Variants in CNTN4 observed in about 807,000 individuals in gnomAD.
CNTN4 encodes contactin 4, also known as contactin-4.
CNTN4 carries 77 observed loss-of-function variants against 122.5 expected under a neutral mutation model. That is an observed-to-expected ratio of 0.63 (90% CI 0.52 to 0.76). The LOEUF (loss-of-function observed/expected upper bound fraction) is 0.76. Among genes scored for constraint, CNTN4 ranks in the 30% least tolerant of loss-of-function variants. CNTN4 has a pLI of 0.00. For synonymous variants in CNTN4, 512 were observed against 447.0 expected, an observed-to-expected ratio of 1.15 and a Z score of -1.83; for missense variants, 1,256 against 1,259.1, an observed-to-expected ratio of 1.00 and a Z score of 0.04.
chr3:2,866,839 T>C lies in CNTN4; in HGVS notation c.542T>C (p.Ile181Thr), dbSNP rs749754841. 1.2e-6 allele frequency: 2 copies of C among 1,614,002 alleles called. No homozygotes were observed. The highest frequency in any genetic ancestry group is 1.7e-6 in the Non-Finnish European group (2 of 1,179,902). ...TCTCAAGAGACTGGGAATCTGTATA[T>C]TGCCAAAGTAGAAAAATCAGATGTT... ...FVSQETGNLY[I>T]AKVEKSDVGN... The change falls in exon 8 of 25, where the codon ATT (isoleucine) becomes ACT (threonine). Residue 181 changes from isoleucine (I) to threonine (T), a missense_variant. By Grantham distance (89) the Ile-to-Thr change is moderately conservative. Transcript: ENST00000418658.
Position 2,662,556 on chromosome 3 carries a change from C to T in CNTN4, c.56-73659C>T, listed in dbSNP as rs146997616. On this transcript the variant is annotated intron_variant, in intron 4 of 24. Coordinates refer to ENST00000418658, the MANE Select transcript of CNTN4 (RefSeq NM_175607.3). ...TCATTCATATAACTACAACTAACTG[C>T]GAGAGAGGCTAGGAAATGTGGGCTA... 4.8e-4 allele frequency among the ~76,000 whole-genome samples: 73 copies of T among 152,216 alleles called. 1 individual carries two copies. The highest frequency in any genetic ancestry group is 6.8e-3 in the Middle Eastern group (2 of 294).
intron 4 of CNTN4, among the ~76,000 whole-genome samples, chr3:2,595,593 G>GC (rs1188821833): frequency 1.3e-5 from 2 of 152,118 alleles, no homozygotes; most frequent in African/African-American, 4.8e-5. Context: ...TTGGCTCCAG[G>GC]CCCCCAGAGA....
intron 7 of CNTN4, among the ~76,000 whole-genome samples, chr3:2,831,734 G>GT (rs777524138): frequency 1.7e-4 from 26 of 152,216 alleles, no homozygotes; most frequent in Non-Finnish European, 2.8e-4. Context: ...GACAGTTGCA[G>GT]TTGATAACGT....
At chr3:2,980,283 T>C (rs76174895) in intron 13 of CNTN4, among the ~76,000 whole-genome samples, 13,775 of 152,220 alleles carry the variant, frequency 0.09, 1,566 homozygotes, top group African/African-American at 0.26. Flanking sequence ...TCTTGTGTCA[T>C]GTCTGTATTT....
chr3:2,904,661 C>T (rs751523838), intron 12 of CNTN4, among the ~76,000 whole-genome samples: 4 of 152,156 alleles, frequency 2.6e-5, no homozygotes, highest in Non-Finnish European at 5.9e-5. Context: ...CCCTTCTGCC[C>T]GGATTTGCTA....
chr3:2,732,667 C>G (rs114943908), intron 4 of CNTN4, among the ~76,000 whole-genome samples: 2,318 of 152,268 alleles, frequency 0.015, 68 homozygotes, highest in African/African-American at 0.053. Context: ...GAACGCCTCT[C>G]TCAGGACTCT....
At chr3:2,176,801 C>T (rs1385404807) in intron 2 of CNTN4, among the ~76,000 whole-genome samples, 1 of 152,068 alleles carries the variant, frequency 6.6e-6, no homozygotes, top group African/African-American at 2.4e-5. Flanking sequence ...AATAAAGAAA[C>T]TATACTAGCA....
chr3:2,199,976 G>A (rs1191287787), intron 2 of CNTN4, among the ~76,000 whole-genome samples: 2 of 152,156 alleles, frequency 1.3e-5, no homozygotes, highest in African/African-American at 4.8e-5. Flanking sequence ...TGAGCTATCA[G>A]AGAAATAAAA....
intron 2 of CNTN4, among the ~76,000 whole-genome samples, chr3:2,205,482 G>T (rs1404769289): frequency 6.6e-6 from 1 of 151,824 alleles, no homozygotes; most frequent in Admixed American, 6.6e-5. Context: ...AGAGACTTGG[G>T]ATCCCATGAA....
intron 13 of CNTN4, among the ~76,000 whole-genome samples, chr3:2,959,654 C>G (rs1436247145): frequency 6.7e-6 from 1 of 149,682 alleles, no homozygotes; most frequent in Non-Finnish European, 1.5e-5. Context: ...TAGAATCATA[C>G]TAAATTTTTA....
At chr3:2,549,997 A>G (rs1314744854) in intron 3 of CNTN4, among the ~76,000 whole-genome samples, 1 of 152,094 alleles carries the variant, frequency 6.6e-6, no homozygotes, top group Non-Finnish European at 1.5e-5. Flanking sequence ...AGAGGTGTTT[A>G]TACTATTCTC....
intron 3 of CNTN4, among the ~76,000 whole-genome samples, chr3:2,537,025 G>A (rs562103140): frequency 7.4e-4 from 112 of 152,204 alleles, no homozygotes; most frequent in South Asian, 1.2e-3. Flanking sequence ...TATATGAGTA[G>A]TATGGAATTG....
chr3:2,471,262 T>C (rs1193892895), intron 3 of CNTN4, among the ~76,000 whole-genome samples: 1 of 152,206 alleles, frequency 6.6e-6, no homozygotes, highest in Non-Finnish European at 1.5e-5. Flanking sequence ...CCAGTATTTA[T>C]TTGGAGAGAC....
chr3:3,035,713 C>A (rs114823079), intron 17 of CNTN4, among the ~76,000 whole-genome samples: 8,253 of 152,192 alleles, frequency 0.054, 359 homozygotes, highest in Admixed American at 0.087. Context: ...CAGGCCCCCA[C>A]ACCCAGCTAA....
chr3:2,292,352 G>A (rs1373375051), intron 2 of CNTN4, among the ~76,000 whole-genome samples: 1 of 152,172 alleles, frequency 6.6e-6, no homozygotes, highest in African/African-American at 2.4e-5. Flanking sequence ...TACCAAACAT[G>A]TATTAGGTAC....
intron 13 of CNTN4, among the ~76,000 whole-genome samples, chr3:2,965,737 T>C (rs1185664923): frequency 2.0e-5 from 3 of 152,180 alleles, no homozygotes; most frequent in Non-Finnish European, 4.4e-5. Context: ...GCAAGGGTCT[T>C]TGTGACCTGA....
At chr3:2,376,789 G>A (rs535633569) in intron 3 of CNTN4, among the ~76,000 whole-genome samples, 2 of 151,840 alleles carry the variant, frequency 1.3e-5, no homozygotes, top group Non-Finnish European at 2.9e-5. Context: ...TGCTGACCAT[G>A]CACTGACTCA....
At chr3:2,236,104 C>T (rs1289661160) in intron 2 of CNTN4, among the ~76,000 whole-genome samples, 1 of 152,080 alleles carries the variant, frequency 6.6e-6, no homozygotes, top group Admixed American at 6.6e-5. Context: ...ATAAGTTGTA[C>T]ACATTATTAT....
At chr3:2,908,920 C>G (rs547750663) in intron 12 of CNTN4, among the ~76,000 whole-genome samples, 1 of 152,208 alleles carries the variant, frequency 6.6e-6, no homozygotes, top group East Asian at 1.9e-4. Flanking sequence ...TGGAACACAT[C>G]TGACCCTGGC....
Sources: allele counts gnomAD v4.1 joint callset (sites outside exome capture counted in the v4.1 genomes callset), GRCh38; gene constraint gnomAD v4.1.1; transcripts MANE v1.5; gene names NCBI Gene and HGNC (gene_info 2026-07-23, HGNC 2026-07-21).